Variants in GLI2 observed in about 807,000 individuals in gnomAD.
GLI2 encodes the protein GLI family zinc finger 2.
GLI2 carries 22 observed loss-of-function variants against 78.9 expected under a neutral mutation model. The observed-to-expected ratio is 0.28, with a 90% confidence interval of 0.20 to 0.40. The LOEUF (loss-of-function observed/expected upper bound fraction) is 0.40, where lower values mean the gene tolerates loss of function less well. Among genes scored for constraint, GLI2 ranks in the 10% least tolerant of loss-of-function variants. GLI2 has a pLI of 1.00. For synonymous variants in GLI2, 974 were observed against 963.7 expected (o/e 1.01, Z -0.20); for missense variants, 2,097 against 2,213.2 (o/e 0.95, Z 1.05).
rs1196598603 is a variant in GLI2 at position 120,741,270 on chromosome 2, G to A, written c.-31+4985G>A. On this transcript the variant is annotated intron_variant, in intron 1 of 13. Transcript: ENST00000361492. ...TTGGAGCCATTCCCTCTAGGAAACA[G>A]GGTGAACTCTTGCTCTTCCCAGAGG... Among the ~76,000 whole-genome samples, 9 of 152,152 alleles carry A rather than the reference G, an allele frequency of 5.9e-5. No homozygotes were observed. The East Asian group carries it at 1.5e-3, about 26-fold the overall frequency.
intron 4 of GLI2, among the ~76,000 whole-genome samples, chr2:120,953,052 A>C (rs1681074005): frequency 6.6e-6 from 1 of 152,240 alleles, no homozygotes; most frequent in African/African-American, 2.4e-5. Flanking sequence ...GGTGCCCCCC[A>C]AAACACAGGT....
At position 120,797,440 on chromosome 2, in the gene GLI2, G is replaced by T. The variant is rs202130125; in HGVS notation, c.120G>T (p.Ala40=). The T allele has an allele frequency of 3.7e-6, 6 of 1,613,820 alleles. No homozygotes were observed. In the African/African-American group the frequency reaches 8.0e-5, roughly 22 times the overall value. ...KKASPLVVAA[A]AAAAVAAQGV... ...CCTCTCCTTTGGTGGTGGCTGCAGC[G>T]GCAGCAGCAGCGGTAGCTGCCCAAG... The change falls in exon 2 of 14, where the codon GCG becomes GCT. Residue 40 remains alanine, a synonymous_variant. Coordinates refer to ENST00000361492, the MANE Select transcript of GLI2 (RefSeq NM_001374353.1).
chr2:120,933,832 A>C (rs1558894011), intron 3 of GLI2, among the ~76,000 whole-genome samples: 1 of 138,134 alleles, frequency 7.2e-6, no homozygotes. Context: ...GCTTTTGAGG[A>C]CCTTTCCAGC....
chr2:120,974,471 CAG>C (rs1038404480), intron 8 of GLI2, among the ~76,000 whole-genome samples: 1 of 152,182 alleles, frequency 6.6e-6, no homozygotes, highest in African/African-American at 2.4e-5. Context: ...AGGAATGTCT[CAG>C]GGGTCTTTCC....
At chr2:120,815,540 CG>C (rs1685453945) in intron 2 of GLI2, among the ~76,000 whole-genome samples, 2 of 152,218 alleles carry the variant, frequency 1.3e-5, no homozygotes. Flanking sequence ...CCAAGTACCA[CG>C]GGATTGAGCC....
rs375295827 is a variant in GLI2, at chr2:120,806,155, AG to A, written c.148+8694del. On this transcript the variant is annotated intron_variant, in intron 2 of 13. Coordinates refer to ENST00000361492, the MANE Select transcript of GLI2 (RefSeq NM_001374353.1). ...ATAGAACCATTTATCATTACTTGGG[AG>A]GGGGGGAAAGAGATAATTTATTTTA... is the stretch of plus-strand genomic sequence containing the variant. 2.3e-4 allele frequency among the ~76,000 whole-genome samples: 35 copies of A among 152,088 alleles called. No individual in the cohort carries two copies. In the South Asian group the frequency reaches 6.7e-3, roughly 29 times the overall value.
intron 2 of GLI2, among the ~76,000 whole-genome samples, chr2:120,892,715 C>A (rs910473598): frequency 6.6e-6 from 1 of 152,178 alleles, no homozygotes; most frequent in Non-Finnish European, 1.5e-5. Flanking sequence ...TGTAAATACC[C>A]CAGCTCCCTC....
intron 2 of GLI2, among the ~76,000 whole-genome samples, chr2:120,820,163 G>C (rs1379615997): frequency 6.6e-6 from 1 of 152,196 alleles, no homozygotes; most frequent in Non-Finnish European, 1.5e-5. Flanking sequence ...TTTGCCCTCT[G>C]TCTGGTTTTC....
intron 2 of GLI2, among the ~76,000 whole-genome samples, chr2:120,857,343 G>C (rs1573489531): frequency 2.0e-5 from 2 of 99,630 alleles, no homozygotes; most frequent in Admixed American, 1.1e-4. Context: ...CTACCCATCT[G>C]CCCACCCACC....
chr2:120,785,819 C>T (rs1683981464), intron 1 of GLI2, among the ~76,000 whole-genome samples: 1 of 152,214 alleles, frequency 6.6e-6, no homozygotes. Flanking sequence ...TATCTCACAC[C>T]CAGAGTTGCA....
chr2:120,810,664 G>C (rs1040238084), intron 2 of GLI2, among the ~76,000 whole-genome samples: 6 of 152,212 alleles, frequency 3.9e-5, no homozygotes, highest in Non-Finnish European at 8.8e-5. Context: ...TTGGCCTGAA[G>C]GGACAGATCT....
At chr2:120,865,673 C>T (rs1055350374) in intron 2 of GLI2, among the ~76,000 whole-genome samples, 3 of 152,208 alleles carry the variant, frequency 2.0e-5, no homozygotes, top group Non-Finnish European at 4.4e-5. Context: ...ATAGAAGTGT[C>T]GCTGAAGCAG....
At chr2:120,964,247 C>T (rs1681726509) in intron 5 of GLI2, among the ~76,000 whole-genome samples, 1 of 152,178 alleles carries the variant, frequency 6.6e-6, no homozygotes, top group South Asian at 2.1e-4. Context: ...GGAAGCTGCA[C>T]GTGCAAGTCC....
intron 2 of GLI2, among the ~76,000 whole-genome samples, chr2:120,917,276 G>A (rs1476540220): frequency 1.3e-5 from 2 of 152,244 alleles, no homozygotes; most frequent in Non-Finnish European, 2.9e-5. Context: ...TACATTAAGC[G>A]TGGAATGGAA....
intron 1 of GLI2, among the ~76,000 whole-genome samples, chr2:120,788,459 A>G (rs957049316): frequency 3.9e-5 from 6 of 152,228 alleles, no homozygotes; most frequent in African/African-American, 1.4e-4. Context: ...GTGGAAACAA[A>G]CGAAGTCTTG....
In GLI2 at chr2:120,942,856, G is replaced by A. The variant is rs550369956; in HGVS notation, c.255-8387G>A. Among the ~76,000 whole-genome samples, 35 of 81,624 alleles carry A rather than the reference G, an allele frequency of 4.3e-4. 1 individual carries two copies. Among genetic ancestry groups the A allele is most frequent in the Middle Eastern group, 7.6e-3 (1 of 132 alleles). 53.5% of individuals were successfully genotyped at this position (81,624 alleles called of 152,430 possible). ...CTCATTCATTCATTCATTCGTTCACGCCCTCTTTCATTCATTCATTCATTC... is the reference window on the plus strand; with the variant it reads ...CTCATTCATTCATTCATTCGTTCACACCCTCTTTCATTCATTCATTCATTC... On this transcript the variant is annotated intron_variant, in intron 3 of 13. Transcript: ENST00000361492.
At chr2:120,763,338 GTAGATGGA>G (rs1683272913) in intron 1 of GLI2, among the ~76,000 whole-genome samples, 1 of 152,260 alleles carries the variant, frequency 6.6e-6, no homozygotes, top group Non-Finnish European at 1.5e-5. Flanking sequence ...GGATGGATGG[GTAGATGGA>G]TAGATGGAAT....
intron 2 of GLI2, among the ~76,000 whole-genome samples, chr2:120,903,242 GGGCACAGTGGCA>G (rs1474825449): frequency 1.3e-5 from 2 of 152,054 alleles, no homozygotes; most frequent in African/African-American, 2.4e-5. Flanking sequence ...AAAATTAGCC[GGGCACAGTGGCA>G]GGCACTTAGA....
chr2:120,770,926 A>G (rs1413645838), intron 1 of GLI2, among the ~76,000 whole-genome samples: 2 of 152,138 alleles, frequency 1.3e-5, no homozygotes, highest in Non-Finnish European at 2.9e-5. Context: ...CCACCTGCCG[A>G]GCCTGAGTTA....
Sources: allele counts gnomAD v4.1 joint callset (sites outside exome capture counted in the v4.1 genomes callset), GRCh38; gene constraint gnomAD v4.1.1; transcripts MANE v1.5; gene names NCBI Gene and HGNC (gene_info 2026-07-23, HGNC 2026-07-21).